ARHGAP10: variants seen among roughly 807,000 people sequenced by gnomAD.
ARHGAP10 encodes Rho GTPase activating protein 10.
A neutral mutation model predicts 108.6 loss-of-function variants in ARHGAP10; 87 were observed. That is an observed-to-expected ratio of 0.80 (90% CI 0.67 to 0.96). The LOEUF (loss-of-function observed/expected upper bound fraction) is 0.96, where lower values mean the gene tolerates loss of function less well. ARHGAP10 is among the 40% of genes least tolerant of loss of function. The pLI, the probability that ARHGAP10 is intolerant of heterozygous loss-of-function variation, is 0.00. For synonymous variants in ARHGAP10, 347 were observed against 341.1 expected, an observed-to-expected ratio of 1.02 and a Z score of -0.19; for missense variants, 939 against 954.5, an observed-to-expected ratio of 0.98 and a Z score of 0.21.
At chr4:147,856,282 G>GGT (rs1734078442) in intron 4 of ARHGAP10, among the ~76,000 whole-genome samples, 1 of 152,222 alleles carries the variant, frequency 6.6e-6, no homozygotes, top group South Asian at 2.1e-4. Flanking sequence ...AAATGTTTGT[G>GGT]ATGTTAACCA....
intron 4 of ARHGAP10, among the ~76,000 whole-genome samples, chr4:147,853,378 G>T (rs181557391): frequency 9.3e-4 from 141 of 152,302 alleles, no homozygotes; most frequent in African/African-American, 3.1e-3. Context: ...TTCTCTAGAC[G>T]AGTCCAACAG....
chr4:148,002,597 T>A (rs898778501), intron 18 of ARHGAP10, among the ~76,000 whole-genome samples: 1 of 152,208 alleles, frequency 6.6e-6, no homozygotes. Context: ...CAGAGCCTGT[T>A]ATTGGTCTAT....
chr4:147,764,364 G>C (rs1579014663), intron 1 of ARHGAP10, among the ~76,000 whole-genome samples: 2 of 152,074 alleles, frequency 1.3e-5, no homozygotes, highest in Middle Eastern at 6.8e-3. Context: ...AGGTGGGTCA[G>C]TAAACAGCAC....
intron 1 of ARHGAP10, among the ~76,000 whole-genome samples, chr4:147,754,922 T>C (rs979368008): frequency 6.6e-6 from 1 of 152,036 alleles, no homozygotes; most frequent in Non-Finnish European, 1.5e-5. Context: ...GGTGAAACCC[T>C]GTCTCTACTA....
At chr4:147,800,957 C>T (rs752114669) in intron 1 of ARHGAP10, among the ~76,000 whole-genome samples, 1 of 152,226 alleles carries the variant, frequency 6.6e-6, no homozygotes, top group Non-Finnish European at 1.5e-5. Context: ...AGGTGCCTGA[C>T]ACCATGCCTG....
In ARHGAP10 at chr4:147,971,864, G is replaced by C. The variant is rs148414873; in HGVS notation, c.1716+5025G>C. ...AGAGGAATGAAAGGCTAGGAGAGAG[G>C]TTATTTGGCATAGTCGAAGGGCATG... On this transcript the variant is annotated intron_variant, in intron 18 of 22. Transcript: ENST00000336498. Among the ~76,000 whole-genome samples, 250 of 152,286 alleles carry C rather than the reference G, an allele frequency of 1.6e-3. 1 individual carries two copies. Among genetic ancestry groups the C allele is most frequent in the African/African-American group, 5.6e-3 (234 of 41,554 alleles).
intron 7 of ARHGAP10, among the ~76,000 whole-genome samples, chr4:147,870,966 GTGTGTGTGTT>G: frequency 7.3e-6 from 1 of 136,754 alleles, no homozygotes; most frequent in African/African-American, 3.0e-5. Flanking sequence ...GTGTGTGTGT[GTGTGTGTGTT>G]TGAGATGGAG....
rs765050643 is a variant in ARHGAP10, at chr4:147,813,140, C to CT, written c.155-9575dup. Among the ~76,000 whole-genome samples, 1,238 of 141,460 alleles carry CT rather than the reference C, an allele frequency of 8.8e-3. 12 individuals are homozygous for CT. The highest frequency in any genetic ancestry group is 0.027 in the African/African-American group (1,034 of 38,776). The allele number at this position is 141,460 out of a possible 152,430, so 92.8% of individuals were successfully genotyped here. A position where few individuals can be genotyped will look rare whatever the true frequency, so the allele number is the denominator to read the frequency against. ...TGGATTGGTTTCTGCCTTTAGGAGC[C>CT]TTTTTTTTTTTTAAATAAAAGAATT... is the stretch of plus-strand genomic sequence containing the variant. On this transcript the variant is annotated intron_variant, in intron 1 of 22. Coordinates refer to ENST00000336498, the MANE Select transcript of ARHGAP10 (RefSeq NM_024605.4).
intron 20 of ARHGAP10, among the ~76,000 whole-genome samples, chr4:148,059,944 A>G (rs936254719): frequency 5.3e-5 from 8 of 151,876 alleles, no homozygotes; most frequent in South Asian, 2.1e-4. Context: ...GAAAACCCAG[A>G]TCTTTTATGA....
At chr4:147,784,476 TTA>T (rs555520049) in intron 1 of ARHGAP10, among the ~76,000 whole-genome samples, 1,530 of 123,464 alleles carry the variant, frequency 0.012, 31 homozygotes, top group African/African-American at 0.043. Flanking sequence ...TAATTTATAT[TTA>T]TATATATATT....
intron 15 of ARHGAP10, among the ~76,000 whole-genome samples, chr4:147,948,550 G>A (rs910184071): frequency 6.6e-6 from 1 of 152,064 alleles, no homozygotes; most frequent in African/African-American, 2.4e-5. Flanking sequence ...GGTCATTTTT[G>A]ATTATATCTT....
At chr4:147,984,405 C>T (rs1473840403) in intron 18 of ARHGAP10, among the ~76,000 whole-genome samples, 1 of 152,238 alleles carries the variant, frequency 6.6e-6, no homozygotes, top group Non-Finnish European at 1.5e-5. Flanking sequence ...AGACGACCCT[C>T]TCTCCATGTT....
At position 147,939,822 on chromosome 4, in the gene ARHGAP10, T is replaced by G; in HGVS notation, c.1229-3T>G. ...TTTGCTAATAGTTTGTTTCTTCCCA[T>G]AGGTATAAATGACCAAGGATTGTAC... On this transcript the variant is annotated splice_region_variant and splice_polypyrimidine_tract_variant and intron_variant, in intron 13 of 22. Transcript: ENST00000336498. The G allele has an allele frequency of 6.2e-7, 1 of 1,613,618 alleles. No individual in the cohort carries two copies. Among genetic ancestry groups the G allele is most frequent in the Non-Finnish European group, 8.5e-7 (1 of 1,179,566 alleles).
At chr4:147,741,201 G>A (rs1171649767) in intron 1 of ARHGAP10, among the ~76,000 whole-genome samples, 1 of 152,122 alleles carries the variant, frequency 6.6e-6, no homozygotes, top group East Asian at 1.9e-4. Flanking sequence ...TATATTTAGG[G>A]AATATTCATG....
chr4:147,741,474 G>A (rs954423220), intron 1 of ARHGAP10, among the ~76,000 whole-genome samples: 3 of 152,140 alleles, frequency 2.0e-5, no homozygotes, highest in African/African-American at 4.8e-5. Context: ...GAAAAATGAT[G>A]TTTGTATAAA....
chr4:147,857,085 C>A (rs1475527037), intron 4 of ARHGAP10, among the ~76,000 whole-genome samples: 1 of 152,178 alleles, frequency 6.6e-6, no homozygotes, highest in Non-Finnish European at 1.5e-5. Context: ...CTCCTGACCT[C>A]AGGTGATCCG....
At chr4:147,848,091 G>GGT (rs1553956365) in intron 4 of ARHGAP10, among the ~76,000 whole-genome samples, 20 of 145,966 alleles carry the variant, frequency 1.4e-4, no homozygotes, top group African/African-American at 4.2e-4. Flanking sequence ...GGGGATGTGA[G>GGT]TTTTTTTTTT....
intron 13 of ARHGAP10, among the ~76,000 whole-genome samples, chr4:147,918,055 T>C (rs897888969): frequency 6.6e-6 from 1 of 152,006 alleles, no homozygotes; most frequent in African/African-American, 2.4e-5. Context: ...CATATGTATA[T>C]ATAAAATGAG....
chr4:147,878,663 A>G (rs906557940), intron 8 of ARHGAP10, among the ~76,000 whole-genome samples: 2 of 152,200 alleles, frequency 1.3e-5, no homozygotes, highest in Non-Finnish European at 2.9e-5. Flanking sequence ...CAGATAGGAC[A>G]TAACTGTTGA....
Sources: allele counts gnomAD v4.1 joint callset (sites outside exome capture counted in the v4.1 genomes callset), GRCh38; gene constraint gnomAD v4.1.1; transcripts MANE v1.5; gene names NCBI Gene and HGNC (gene_info 2026-07-23, HGNC 2026-07-21).